The following SH3TC1 variants were observed in gnomAD, a reference collection of about 807,000 sequenced individuals.
SH3TC1 encodes the protein SH3 domain and tetratricopeptide repeat-containing protein 1.
A neutral mutation model predicts 117.3 loss-of-function variants in SH3TC1; 135 were observed. The ratio of observed to expected loss-of-function variants is 1.15; its 90% CI spans 1.00 to 1.33. SH3TC1 has a LOEUF of 1.33. Ranked by LOEUF, SH3TC1 falls within the 40% of genes most tolerant of loss-of-function variation. The pLI is 0.00. For missense variants in SH3TC1, 2,092 were observed against 1,794.3 expected, an observed-to-expected ratio of 1.17 and a Z score of -3.00; for synonymous variants, 898 against 816.9, an observed-to-expected ratio of 1.10 and a Z score of -1.69.
chr4:8,193,786 C>T (rs1054524164), intron 1 of SH3TC1, among the ~76,000 whole-genome samples: 6 of 152,126 alleles, frequency 3.9e-5, no homozygotes, highest in Admixed American at 3.3e-4. Context: ...GGAGTGGGAC[C>T]GACCCTCAGA....
Position 8,231,817 on chromosome 4 carries a change from A to G in SH3TC1, c.2951-159A>G, listed in dbSNP as rs1005881155. On this transcript the variant is annotated intron_variant, in intron 12 of 17. Coordinates refer to ENST00000245105, the MANE Select transcript of SH3TC1 (RefSeq NM_018986.5). ...GCCTCTACCATGGGCATCTGCACCA[A>G]GCTGTGCCCATGTCACGGTGTGCTC... 33 of 759,888 alleles carry G rather than the reference A, an allele frequency of 4.3e-5. No homozygotes were observed. The Admixed American group carries it at 5.0e-4, about 12-fold the overall frequency. 47.1% of individuals were successfully genotyped at this position (759,888 alleles called of 1,614,324 possible).
rs1440404836 is a variant in SH3TC1 at position 8,227,638 on chromosome 4, G to A, written c.1944G>A (p.Leu648=). Residue 648 remains leucine (L), a synonymous_variant, in exon 12 of 18, where the codon CTG becomes CTA. Coordinates refer to ENST00000245105, the MANE Select transcript of SH3TC1 (RefSeq NM_018986.5). ...GCACCGAGGCGGAGGGGGAGCTCCTGCAGCTGGCGCTGCGGCGGGCGGTGG... is the reference window on the plus strand; with the variant it reads ...GCACCGAGGCGGAGGGGGAGCTCCTACAGCTGGCGCTGCGGCGGGCGGTGG... ...ICSTEAEGEL[L]QLALRRAVGG... is the part of the protein sequence containing the mutation. 5 of 1,526,850 alleles carry A rather than the reference G, an allele frequency of 3.3e-6. No homozygotes were observed. Among genetic ancestry groups the A allele is most frequent in the Non-Finnish European group, 3.5e-6 (4 of 1,140,462 alleles). The allele number at this position is 1,526,850 out of a possible 1,614,324, so 94.6% of individuals were successfully genotyped here.
In SH3TC1 at chr4:8,232,783, C is replaced by T. The variant is rs1721365487; in HGVS notation, c.3132-580C>T. 1.7e-5 allele frequency: 22 copies of T among 1,288,816 alleles called. No individual in the cohort carries two copies. In the South Asian group the frequency reaches 2.7e-4, roughly 16 times the overall value. 79.8% of individuals were successfully genotyped at this position (1,288,816 alleles called of 1,614,324 possible). A position where few individuals can be genotyped will look rare whatever the true frequency, so the allele number is the denominator to read the frequency against. On this transcript the variant is annotated intron_variant, in intron 13 of 17. Transcript: ENST00000245105. The stretch of plus-strand genomic sequence containing the variant: ...GGAAGGAGCCGGATTCCACAGGGAC[C>T]CGGGAGATCGGCTCCAGCCTTGGCC...
intron 1 of SH3TC1, among the ~76,000 whole-genome samples, chr4:8,194,157 G>A (rs902024366): frequency 2.0e-4 from 31 of 152,246 alleles, no homozygotes; most frequent in African/African-American, 7.2e-4. Flanking sequence ...TGGGACCTTC[G>A]AGATGGATAA....
At chr4:8,189,483 G>T (rs1427125912) in intron 1 of SH3TC1, among the ~76,000 whole-genome samples, 2 of 152,242 alleles carry the variant, frequency 1.3e-5, no homozygotes, top group Admixed American at 1.3e-4. Flanking sequence ...GGAAGGAGTG[G>T]TGTGCAGAAG....
chr4:8,238,211 C>T (rs1721995823), intron 17 of SH3TC1, among the ~76,000 whole-genome samples: 1 of 152,176 alleles, frequency 6.6e-6, no homozygotes, highest in Non-Finnish European at 1.5e-5. Context: ...TGGGGCGGGG[C>T]CGGTGTCTTA....
chr4:8,204,225 G>C (rs1215335661), intron 1 of SH3TC1, among the ~76,000 whole-genome samples: 1 of 152,214 alleles, frequency 6.6e-6, no homozygotes, highest in Non-Finnish European at 1.5e-5. Flanking sequence ...CCACGCACCG[G>C]AAAGTCTGTC....
At chr4:8,219,586 G>T in intron 9 of SH3TC1, 56 bp downstream of exon 9, 1 of 1,424,608 alleles carries the variant, frequency 7.0e-7, no homozygotes. Flanking sequence ...CACCTAAGGG[G>T]ACGTTGCTGC....
intron 1 of SH3TC1, among the ~76,000 whole-genome samples, chr4:8,187,613 G>A (rs563286784): frequency 4.2e-4 from 63 of 150,704 alleles, no homozygotes; most frequent in Admixed American, 1.7e-3. Context: ...GTGCAGTGGC[G>A]TGATCTCAGC....
Position 8,240,829 on chromosome 4 carries a change from GA to G in SH3TC1, c.3887del (p.Lys1296SerfsTer80). ...IYHNFLLDRE[K>X]SLFFYQKART... ...ACCACAACTTCCTCCTGGACCGTGAGAAGTCGCTCTTCTTCTACCAGAAGGC... is the reference window on the plus strand; with the variant it reads ...ACCACAACTTCCTCCTGGACCGTGAGAGTCGCTCTTCTTCTACCAGAAGGC... On this transcript the variant is annotated frameshift_variant, in exon 18 of 18. Coordinates refer to ENST00000245105, the MANE Select transcript of SH3TC1 (RefSeq NM_018986.5). LOFTEE classifies it low-confidence loss of function (END_TRUNC). 1 of 1,614,092 alleles carries G rather than the reference GA, an allele frequency of 6.2e-7. No homozygotes were observed. The highest frequency in any genetic ancestry group is 8.5e-7 in the Non-Finnish European group (1 of 1,180,040).
Position 8,227,926 on chromosome 4 carries a change from G to A in SH3TC1, c.2232G>A (p.Ser744=), listed in dbSNP as rs569351032. 1.6e-5 allele frequency: 26 copies of A among 1,612,608 alleles called. No homozygotes were observed. Among genetic ancestry groups the A allele is most frequent in the East Asian group, 8.9e-5 (4 of 44,880 alleles). ...GGACACGGGGCTCGCTGGCCGGCTC[G>A]CTGAGGAGTGTGAACCTGGTGCTCC... ...SLRTRGSLAG[S]LRSVNLVLQN... is the part of the protein sequence containing the mutation. The change falls in exon 12 of 18, where the codon TCG becomes TCA. Residue 744 remains serine, a synonymous_variant. Transcript: ENST00000245105.
rs1168137882 is a variant in SH3TC1, at chr4:8,190,973, CTGTTCCTTG to C, written c.-57+8766_-57+8774del. 6.6e-6 allele frequency among the ~76,000 whole-genome samples: 1 copy of C among 152,170 alleles called. No individual in the cohort carries two copies. The highest frequency in any genetic ancestry group is 1.9e-4 in the East Asian group (1 of 5,184). On this transcript the variant is annotated intron_variant, in intron 1 of 16. Coordinates refer to the SH3TC1 transcript ENST00000508641. This position sits in a 1 kb window ranked among gnomAD's most constrained non-coding sequence, Gnocchi z 4.7. The stretch of plus-strand genomic sequence containing the variant: ...CTGTGATTTTACCCTCTCCGCACCT[CTGTTCCTTG>C]TGGTTTTAAAGGTGGAGATGCTGAG...
At chr4:8,214,630 G>A (rs756935183) in intron 5 of SH3TC1, 50 bp downstream of exon 5, 2 of 1,429,938 alleles carry the variant, frequency 1.4e-6, no homozygotes, top group Non-Finnish European at 2.0e-6. Flanking sequence ...CCGTCGGAAG[G>A]TGCTGGTTAC....
At chr4:8,191,746 C>A (rs535808995) in intron 1 of SH3TC1, among the ~76,000 whole-genome samples, 4 of 152,094 alleles carry the variant, frequency 2.6e-5, no homozygotes, top group East Asian at 1.9e-4. Context: ...TCCTTCCCCC[C>A]ATTCTTGGGT....
chr4:8,236,563 G>A (rs1054916996), intron 16 of SH3TC1, 135 bp downstream of exon 16: 7 of 1,248,000 alleles, frequency 5.6e-6, no homozygotes, highest in Middle Eastern at 2.8e-4. Context: ...CTGCCCAGCT[G>A]GCTCCCCCGT....
intron 1 of SH3TC1, among the ~76,000 whole-genome samples, chr4:8,202,636 C>T (rs1342221960): frequency 6.7e-6 from 1 of 148,228 alleles, no homozygotes; most frequent in African/African-American, 2.5e-5. Context: ...AGGTGGGGTG[C>T]CGGGGCACTT....
At position 8,207,766 on chromosome 4, in the gene SH3TC1, G is replaced by A. The variant is rs191225492; in HGVS notation, c.173-1982G>A. Among the ~76,000 whole-genome samples, 487 of 152,348 alleles carry A rather than the reference G, an allele frequency of 3.2e-3. 2 individuals carry two copies. The highest frequency in any genetic ancestry group is 7.9e-3 in the Admixed American group (121 of 15,302). On this transcript the variant is annotated intron_variant, in intron 2 of 17. Transcript: ENST00000245105. ...GGTGCGTCCTCACTTTCTGGGACAT[G>A]AGATATTCCAGGCTTATCTTGCACT... is the stretch of plus-strand genomic sequence containing the variant.
At chr4:8,211,262 TGTTTTCTCCCCCTCCCTCCTTCTCCC>T in intron 3 of SH3TC1, among the ~76,000 whole-genome samples, 1 of 38,474 alleles carries the variant, frequency 2.6e-5, no homozygotes, top group South Asian at 2.2e-3. Flanking sequence ...CCCACCGTCC[TGTTTTCTCCCCCTCCCTCCTTCTCCC>T]CCTCCCGTTT....
chr4:8,216,846 G>GC (rs1211273546), intron 6 of SH3TC1, 111 bp from the exon 7 acceptor site: 6 of 1,103,018 alleles, frequency 5.4e-6, no homozygotes, highest in Non-Finnish European at 8.2e-6. Context: ...CACTGGGGGG[G>GC]CCGCTCCTGT....
Sources: allele counts gnomAD v4.1 joint callset (sites outside exome capture counted in the v4.1 genomes callset), GRCh38; gene constraint gnomAD v4.1.1; non-coding constraint Gnocchi (gnomAD v3.1); transcripts MANE v1.5; gene names NCBI Gene and HGNC (gene_info 2026-07-23, HGNC 2026-07-21).